The following ZSCAN2 variants were observed in gnomAD, a reference collection of about 807,000 sequenced individuals.
ZSCAN2 encodes the protein zinc finger and SCAN domain-containing protein 2.
ZSCAN2 carries 26 observed loss-of-function variants against 47.8 expected under a neutral mutation model. The observed-to-expected ratio is 0.54, with a 90% CI of 0.40 to 0.75. The LOEUF is 0.75. Among genes scored for constraint, ZSCAN2 ranks in the 30% least tolerant of loss-of-function variants. The probability of loss-of-function intolerance (pLI) is 0.00; values close to 1 mark genes in which losing one functional copy is unlikely to be tolerated. For synonymous variants in ZSCAN2, 305 were observed against 288.7 expected (o/e 1.06, Z -0.57); for missense variants, 732 against 785.4 (o/e 0.93, Z 0.81).
intron 1 of ZSCAN2, among the ~76,000 whole-genome samples, chr15:84,602,409 C>G (rs1596023906): frequency 6.6e-6 from 1 of 152,140 alleles, no homozygotes; most frequent in Non-Finnish European, 1.5e-5. Flanking sequence ...TAAAAACATA[C>G]AGCGTAATGT....
chr15:84,610,008 C>T (rs1006519087), intron 2 of ZSCAN2, among the ~76,000 whole-genome samples: 18 of 152,202 alleles, frequency 1.2e-4, no homozygotes, highest in Admixed American at 2.6e-4. Flanking sequence ...GCCCTGTGAA[C>T]GGCCACGGGA....
At chr15:84,607,683 A>G (rs1267617753) in intron 2 of ZSCAN2, among the ~76,000 whole-genome samples, 3 of 151,908 alleles carry the variant, frequency 2.0e-5, no homozygotes, top group Non-Finnish European at 4.4e-5. Flanking sequence ...TAATTTTTGT[A>G]TTTTTAGTAG....
At chr15:84,603,742 T>A (rs1330237255) in intron 1 of ZSCAN2, 78 bp from the exon 2 acceptor site, 1 of 624,962 alleles carries the variant, frequency 1.6e-6, no homozygotes, top group African/African-American at 1.8e-5. Context: ...CACTTGGTGG[T>A]CTGACCTGGG....
intron 2 of ZSCAN2, chr15:84,616,333 G>T (rs189242968): frequency 1.9e-6 from 3 of 1,570,108 alleles, no homozygotes; most frequent in East Asian, 2.2e-5. Flanking sequence ...GTACATGGCT[G>T]CCCTGTGTGA....
Position 84,621,099 on chromosome 15 carries a change from G to A in ZSCAN2, c.904G>A (p.Gly302Arg). Residue 302 changes from glycine to arginine, a missense_variant, in exon 3 of 3, where the codon GGG (glycine) becomes AGG (arginine). By Grantham distance (125) the Gly-to-Arg change is moderately radical. This residue lies in a region of ZSCAN2 where 412 missense variants were observed against 498.0 expected (regional missense o/e 0.83). Coordinates refer to ENST00000546148, the MANE Select transcript of ZSCAN2 (RefSeq NM_181877.4). The surrounding 1 kb of genome is among the most constrained non-coding windows in gnomAD (Gnocchi z 5.7). ...CATAACCCACCAGAGGATCCACACG[G>A]GGGAAAAGCCCTTCCAGTGTGCCGA... ...NLITHQRIHT[G>R]EKPFQCAECG... The A allele has an allele frequency of 6.2e-7, 1 of 1,614,030 alleles. No individual in the cohort carries two copies. The highest frequency in any genetic ancestry group is 1.1e-5 in the South Asian group (1 of 91,072).
Position 84,620,635 on chromosome 15 carries a change from G to A in ZSCAN2, c.440G>A (p.Cys147Tyr), listed in dbSNP as rs1327128878. The change falls in exon 3 of 3, where the codon TGT becomes TAT. Residue 147 changes from cysteine (C) to tyrosine (Y), a missense_variant. Transcript: ENST00000546148. Reference protein sequence around the residue: ...FEIQSENGENCNQDMFENESR... With the variant: ...FEIQSENGENYNQDMFENESR... ...ATACAGAGTGAAAATGGGGAGAACTGTAATCAAGACATGTTTGAGAATGAA... is the reference window on the plus strand; with the variant it reads ...ATACAGAGTGAAAATGGGGAGAACTATAATCAAGACATGTTTGAGAATGAA... The A allele has an allele frequency of 1.2e-6, 2 of 1,611,806 alleles. No individual in the cohort carries two copies. Among genetic ancestry groups the A allele is most frequent in the Non-Finnish European group, 1.7e-6 (2 of 1,178,064 alleles).
intron 2 of ZSCAN2, among the ~76,000 whole-genome samples, chr15:84,617,896 C>T (rs1337576805): frequency 1.3e-5 from 2 of 152,114 alleles, no homozygotes; most frequent in African/African-American, 2.4e-5. Flanking sequence ...GCTGCGATCT[C>T]GCTACTGTAC....
At chr15:84,608,587 T>A (rs1019024727) in intron 2 of ZSCAN2, among the ~76,000 whole-genome samples, 12 of 150,874 alleles carry the variant, frequency 8.0e-5, no homozygotes, top group Admixed American at 7.9e-4. Flanking sequence ...TAAGTGATCC[T>A]GATTCAAACT....
At chr15:84,603,699 A>G (rs1895281326) in intron 1 of ZSCAN2, 121 bp from the exon 2 acceptor site, 2 of 468,486 alleles carry the variant, frequency 4.3e-6, no homozygotes, top group Non-Finnish European at 7.5e-6. Flanking sequence ...TAAGAAGAAC[A>G]GGAAACGTCT....
rs934720718 is a variant in ZSCAN2, at chr15:84,616,627, G to A, written c.407-3975G>A. ...TTTACTTGTTTTCCTTGTTGCTTCCGAGCTCATTGGAGAGCTAACCAGTTC... is the reference window on the plus strand; with the variant it reads ...TTTACTTGTTTTCCTTGTTGCTTCCAAGCTCATTGGAGAGCTAACCAGTTC... On this transcript the variant is annotated intron_variant, in intron 2 of 2. Coordinates refer to ENST00000546148, the MANE Select transcript of ZSCAN2 (RefSeq NM_181877.4). 2.2e-5 allele frequency: 26 copies of A among 1,194,104 alleles called. 1 individual carries two copies. In the Admixed American group the frequency reaches 3.6e-4, roughly 17 times the overall value. The allele number at this position is 1,194,104 out of a possible 1,614,324, so 74.0% of individuals were successfully genotyped here.
At chr15:84,617,547 G>C (rs1306621390) in intron 2 of ZSCAN2, among the ~76,000 whole-genome samples, 1 of 152,206 alleles carries the variant, frequency 6.6e-6, no homozygotes, top group African/African-American at 2.4e-5. Flanking sequence ...GATATGAGGG[G>C]TGGGGCTGGA....
At chr15:84,611,031 C>T (rs1300573734) in intron 2 of ZSCAN2, among the ~76,000 whole-genome samples, 7 of 152,126 alleles carry the variant, frequency 4.6e-5, no homozygotes, top group Admixed American at 1.3e-4. Context: ...TGGTGGCTCA[C>T]GCCTGTTATC....
chr15:84,621,538 G>A lies in ZSCAN2; in HGVS notation c.1343G>A (p.Cys448Tyr). The A allele has an allele frequency of 6.2e-7, 1 of 1,614,052 alleles. No individual in the cohort carries two copies. Among genetic ancestry groups the A allele is most frequent in the Non-Finnish European group, 8.5e-7 (1 of 1,180,002 alleles). ...CACATGGTGGAGAAGCCCTATAAGTGTGGGGTGTGTGGGAAGAGCTTCAGC... is the reference window on the plus strand; with the variant it reads ...CACATGGTGGAGAAGCCCTATAAGTATGGGGTGTGTGGGAAGAGCTTCAGC... ...RTHMVEKPYK[C>Y]GVCGKSFSQS... The change falls in exon 3 of 3, where the codon TGT becomes TAT. Residue 448 changes from cysteine (C) to tyrosine (Y), a missense_variant. Around this residue, in one of 2 missense-constraint regions of ZSCAN2, gnomAD observed 412 missense variants for 498.0 expected, o/e 0.83. Transcript: ENST00000546148. This position sits in a 1 kb window ranked among gnomAD's most constrained non-coding sequence, Gnocchi z 5.7.
intron 1 of ZSCAN2, among the ~76,000 whole-genome samples, chr15:84,602,920 TG>T (rs1895256148): frequency 6.6e-6 from 1 of 152,182 alleles, no homozygotes; most frequent in Non-Finnish European, 1.5e-5. Flanking sequence ...TATATGGGTG[TG>T]TCATAGTTTA....
At position 84,623,434 on chromosome 15, in the gene ZSCAN2, C is replaced by G. The variant is rs1747952351; in HGVS notation, c.*1394C>G. 5.6e-6 allele frequency: 1 copy of G among 178,144 alleles called. No homozygotes were observed. The allele number at this position is 178,144 out of a possible 1,614,324, so 11.0% of individuals were successfully genotyped here. ...AGAAGTGTTAACTTTGAGGACATAT[C>G]TGTTCCCTGGAGATATTTGGGCTTG... On this transcript the variant is annotated 3_prime_UTR_variant, in exon 3 of 3. Coordinates refer to ENST00000546148, the MANE Select transcript of ZSCAN2 (RefSeq NM_181877.4).
chr15:84,613,838 T>C (rs1301615114), intron 2 of ZSCAN2, among the ~76,000 whole-genome samples: 1 of 151,850 alleles, frequency 6.6e-6, no homozygotes, highest in African/African-American at 2.4e-5. Flanking sequence ...TGTACCACCA[T>C]GCCCAGCTCA....
chr15:84,618,429 A>G (rs1032550129), intron 2 of ZSCAN2, among the ~76,000 whole-genome samples: 1 of 152,112 alleles, frequency 6.6e-6, no homozygotes, highest in Non-Finnish European at 1.5e-5. Flanking sequence ...AAAAATAGAA[A>G]AAAGTGCAGC....
At position 84,620,858 on chromosome 15, in the gene ZSCAN2, C is replaced by T. The variant is rs1380396251; in HGVS notation, c.663C>T (p.Pro221=). The part of the protein sequence containing the change: ...GLQGTYLGEK[P]YECPQCGKTF... ...AGGGCACCTACCTAGGGGAGAAGCC[C>T]TACGAATGTCCCCAGTGTGGGAAGA... Residue 221 remains proline, a synonymous_variant, in exon 3 of 3, where the codon CCC becomes CCT. Coordinates refer to ENST00000546148, the MANE Select transcript of ZSCAN2 (RefSeq NM_181877.4). 2 of 1,614,076 alleles carry T rather than the reference C, an allele frequency of 1.2e-6. No individual in the cohort carries two copies. Among genetic ancestry groups the T allele is most frequent in the Admixed American group, 3.3e-5 (2 of 59,992 alleles).
chr15:84,621,392 C>T lies in ZSCAN2; in HGVS notation c.1197C>T (p.Phe399=), dbSNP rs770202034. 15 of 1,614,030 alleles carry T rather than the reference C, an allele frequency of 9.3e-6. No homozygotes were observed. The highest frequency in any genetic ancestry group is 1.3e-5 in the Non-Finnish European group (15 of 1,180,030). ...AATGTACCGACTGTGGGCAGAGGTT[C>T]AGCCAGAGTTCAGCCCTCATCACCC... is the stretch of plus-strand genomic sequence containing the variant. The part of the protein sequence containing the change: ...PYKCTDCGQR[F]SQSSALITHR... Residue 399 remains phenylalanine (F), a synonymous_variant, in exon 3 of 3, where the codon TTC becomes TTT. Coordinates refer to ENST00000546148, the MANE Select transcript of ZSCAN2 (RefSeq NM_181877.4). The surrounding 1 kb of genome is among the most constrained non-coding windows in gnomAD (Gnocchi z 5.7).
Sources: gnomAD v4.1 joint callset for allele counts (sites outside exome capture counted in the v4.1 genomes callset) on GRCh38, gnomAD v4.1.1 for gene constraint, gnomAD v4.1.1 regional missense constraint, Gnocchi (gnomAD v3.1) non-coding constraint, MANE v1.5 for transcripts, NCBI Gene and HGNC (gene_info 2026-07-23, HGNC 2026-07-21) for gene names.